The following ADCY1 variants were observed in gnomAD, a reference collection of about 807,000 sequenced individuals.
ADCY1 encodes the protein adenylate cyclase type 1.
Under a neutral mutation model 105.4 loss-of-function variants are expected in ADCY1, and 28 were observed. The observed-to-expected ratio is 0.27, with a 90% CI of 0.20 to 0.36. The LOEUF (loss-of-function observed/expected upper bound fraction) is 0.36, where lower values mean the gene tolerates loss of function less well. Ranked by LOEUF, ADCY1 falls within the 10% of genes least tolerant of loss-of-function variation. The pLI, the probability that ADCY1 is intolerant of heterozygous loss-of-function variation, is 1.00. For synonymous variants in ADCY1, 655 were observed against 623.8 expected (o/e 1.05, Z -0.75); for missense variants, 977 against 1,434.2 (o/e 0.68, Z 5.15).
intron 5 of ADCY1, among the ~76,000 whole-genome samples, chr7:45,656,193 C>G (rs1404859607): frequency 1.3e-5 from 2 of 151,854 alleles, no homozygotes; most frequent in Admixed American, 6.6e-5. Flanking sequence ...GTCCCAGCTA[C>G]TCGGGAGACT....
intron 2 of ADCY1, among the ~76,000 whole-genome samples, chr7:45,595,826 T>C (rs540841329): frequency 1.3e-5 from 2 of 152,380 alleles, no homozygotes; most frequent in African/African-American, 4.8e-5. Context: ...AGACCTCAGC[T>C]GTCCTGACTT....
intron 14 of ADCY1, among the ~76,000 whole-genome samples, chr7:45,691,481 C>T (rs1234839383): frequency 1.3e-5 from 2 of 152,218 alleles, no homozygotes; most frequent in Non-Finnish European, 2.9e-5. Flanking sequence ...CCAGGCCAAA[C>T]ACTAGGTAGG....
intron 8 of ADCY1, among the ~76,000 whole-genome samples, chr7:45,669,103 T>C (rs1009897650): frequency 2.6e-5 from 4 of 152,246 alleles, no homozygotes; most frequent in African/African-American, 9.6e-5. Context: ...ATTGATTTTT[T>C]GAAGGGTTTT....
At chr7:45,680,582 T>G (rs1784537454) in intron 11 of ADCY1, 1 of 152,272 alleles carries the variant, frequency 6.6e-6, no homozygotes, top group Admixed American at 6.5e-5. Flanking sequence ...TTTCATTCAT[T>G]TAACTTTGTC....
rs77524127 is a variant in ADCY1, at chr7:45,662,054, G to T, written c.1450-5G>T. The T allele has an allele frequency of 0.012, 19,357 of 1,613,326 alleles. 169 individuals are homozygous for T. The highest frequency in any genetic ancestry group is 0.022 in the Middle Eastern group (135 of 6,052). ...TTTCTCCTTGCCCCTTGTGTGTTTG[G>T]ACAGATATTTCCAGGCCTGATTCTC... On this transcript the variant is annotated splice_region_variant and splice_polypyrimidine_tract_variant and intron_variant, in intron 7 of 19. Transcript: ENST00000297323.
At chr7:45,632,134 G>A (rs1794274385) in intron 4 of ADCY1, among the ~76,000 whole-genome samples, 2 of 152,096 alleles carry the variant, frequency 1.3e-5, no homozygotes, top group South Asian at 4.1e-4. Context: ...ATATGTAGTT[G>A]AATGTATTTC....
intron 1 of ADCY1, among the ~76,000 whole-genome samples, chr7:45,585,148 G>T (rs1253271423): frequency 6.6e-6 from 1 of 152,226 alleles, no homozygotes; most frequent in Non-Finnish European, 1.5e-5. Flanking sequence ...AGAATGCATT[G>T]CCTTTCTGAA....
At chr7:45,596,774 G>A (rs1402088726) in intron 2 of ADCY1, among the ~76,000 whole-genome samples, 1 of 152,196 alleles carries the variant, frequency 6.6e-6, no homozygotes, top group East Asian at 1.9e-4. Context: ...GAGATGGCTT[G>A]ACCGGTAGAG....
intron 11 of ADCY1, chr7:45,680,540 A>C (rs1485557344): frequency 6.6e-6 from 1 of 152,246 alleles, no homozygotes; most frequent in African/African-American, 2.4e-5. Context: ...TAATTACTGA[A>C]AACAGCAACT....
intron 3 of ADCY1, among the ~76,000 whole-genome samples, chr7:45,614,632 A>C (rs917933554): frequency 5.3e-5 from 8 of 152,226 alleles, no homozygotes; most frequent in African/African-American, 1.9e-4. Flanking sequence ...AACCAAGCCT[A>C]ACTATATGCT....
chr7:45,657,916 G>GGGT, intron 6 of ADCY1, 31 bp downstream of exon 6: 1 of 502,916 alleles, frequency 2.0e-6, no homozygotes, highest in Non-Finnish European at 4.0e-6. Context: ...GGAGGGGAGG[G>GGGT]AGGTGGGTGA....
intron 4 of ADCY1, among the ~76,000 whole-genome samples, chr7:45,624,575 G>C (rs1044912928): frequency 6.6e-6 from 1 of 152,168 alleles, no homozygotes; most frequent in African/African-American, 2.4e-5. Flanking sequence ...TTTGTGGGCA[G>C]TCACACCCCA....
At chr7:45,654,700 C>T (rs1794894026) in intron 5 of ADCY1, among the ~76,000 whole-genome samples, 1 of 152,212 alleles carries the variant, frequency 6.6e-6, no homozygotes, top group Non-Finnish European at 1.5e-5. Flanking sequence ...AGAGCCAGAC[C>T]TGTTGATACA....
chr7:45,696,438 C>CA lies in ADCY1; in HGVS notation c.2455-6916dup, dbSNP rs11365338. ...TGGGCGACAGAGCTATACTCCATCT[C>CA]AAAAAAAAAAAAAAAAAAAAAAGGA... is the stretch of plus-strand genomic sequence containing the variant. On this transcript the variant is annotated intron_variant, in intron 14 of 19. Coordinates refer to ENST00000297323, the MANE Select transcript of ADCY1 (RefSeq NM_021116.4). 8.9e-3 allele frequency among the ~76,000 whole-genome samples: 655 copies of CA among 73,770 alleles called. 9 individuals are homozygous for CA. Among genetic ancestry groups the CA allele is most frequent in the African/African-American group, 0.026 (462 of 17,578 alleles). The allele number at this position is 73,770 out of a possible 152,430, so 48.4% of individuals were successfully genotyped here. A position where few individuals can be genotyped will look rare whatever the true frequency, so the allele number is the denominator to read the frequency against.
intron 2 of ADCY1, among the ~76,000 whole-genome samples, chr7:45,602,519 A>G (rs898679691): frequency 6.6e-6 from 1 of 152,210 alleles, no homozygotes; most frequent in Non-Finnish European, 1.5e-5. Context: ...CACACACTCA[A>G]TTTGTTACCC....
At chr7:45,574,152 A>ACGGTGGGGAAACTGAGGCT, upstream of ADCY1, 1 of 985,060 alleles carries the variant, frequency 1.0e-6, no homozygotes, top group Non-Finnish European at 1.2e-6. The surrounding 1 kb of genome is among the most constrained non-coding windows in gnomAD (Gnocchi z 7.0). Flanking sequence ...TCCACTGTGC[A>ACGGTGGGGAAACTGAGGCT]CGGTGGGGAA....
intron 3 of ADCY1, among the ~76,000 whole-genome samples, chr7:45,621,187 T>C (rs1441953183): frequency 6.6e-6 from 1 of 152,178 alleles, no homozygotes; most frequent in African/African-American, 2.4e-5. Context: ...CACCTCAGCC[T>C]CCCAAGTAGC....
chr7:45,605,705 A>G (rs1355586985), intron 2 of ADCY1, among the ~76,000 whole-genome samples: 1 of 152,136 alleles, frequency 6.6e-6, no homozygotes, highest in East Asian at 1.9e-4. Flanking sequence ...CTATCTTGTA[A>G]AAGACTTTTA....
chr7:45,646,111 TG>T (rs765738400), intron 4 of ADCY1, among the ~76,000 whole-genome samples: 116 of 151,868 alleles, frequency 7.6e-4, no homozygotes, highest in Non-Finnish European at 1.4e-3. Context: ...ATTTGGGGGA[TG>T]TTTGGAAGCA....
Sources: gnomAD v4.1 joint callset for allele counts (sites outside exome capture counted in the v4.1 genomes callset) on GRCh38, gnomAD v4.1.1 for gene constraint, Gnocchi (gnomAD v3.1) non-coding constraint, MANE v1.5 for transcripts, NCBI Gene and HGNC (gene_info 2026-07-23, HGNC 2026-07-21) for gene names.